NELFA: variants seen among roughly 807,000 people sequenced by gnomAD.
NELFA encodes the protein negative elongation factor A.
A neutral mutation model predicts 51.8 loss-of-function variants in NELFA; 35 were observed. The observed-to-expected ratio is 0.68, with a 90% CI of 0.52 to 0.90. NELFA has a LOEUF of 0.90. Ranked by LOEUF, NELFA falls within the 40% of genes least tolerant of loss-of-function variation. The pLI is 0.00. For synonymous variants in NELFA, 417 were observed against 338.4 expected (o/e 1.23, Z -2.55); for missense variants, 658 against 746.4 (o/e 0.88, Z 1.38).
In NELFA at chr4:1,983,881, A is replaced by G; in HGVS notation, c.1269T>C (p.Ala423=). Residue 423 remains alanine (A), a synonymous_variant, in exon 9 of 11, where the codon GCT becomes GCC. Coordinates refer to ENST00000382882, the MANE Select transcript of NELFA (RefSeq NM_005663.5). ...AMVAPQTQAP[A]QQQPKKNLSL... ...ACAGGTTCTTCTTAGGCTGCTGCTG[A>G]GCAGGGGCCTGGGTCTGCGGGGCCA... The G allele has an allele frequency of 6.3e-7, 1 of 1,590,412 alleles. No homozygotes were observed. Among genetic ancestry groups the G allele is most frequent in the South Asian group, 1.1e-5 (1 of 87,206 alleles).
At chr4:1,996,478 A>T (rs1395264772) in intron 1 of NELFA, among the ~76,000 whole-genome samples, 1 of 152,272 alleles carries the variant, frequency 6.6e-6, no homozygotes, top group Non-Finnish European at 1.5e-5. Flanking sequence ...AAGTAAGTAC[A>T]AAGACAGGAG....
At chr4:2,006,768 CAAAAAAA>C (rs57055347) in intron 1 of NELFA, among the ~76,000 whole-genome samples, 6 of 79,808 alleles carry the variant, frequency 7.5e-5, no homozygotes, top group South Asian at 4.8e-4. Flanking sequence ...GACGCTGTCT[CAAAAAAA>C]AAAAAAAAAA....
chr4:2,004,247 T>C (rs946799104), intron 1 of NELFA: 1 of 152,234 alleles, frequency 6.6e-6, no homozygotes, highest in Non-Finnish European at 1.5e-5. Context: ...TGTATGATTC[T>C]ATTTATATAA....
intron 1 of NELFA, chr4:2,007,919 C>G: frequency 2.2e-6 from 1 of 454,966 alleles, no homozygotes; most frequent in Non-Finnish European, 4.4e-6. Flanking sequence ...TTATTTCGCA[C>G]GGAAAGCGAT....
intron 1 of NELFA, chr4:2,007,871 C>T (rs868833334): frequency 4.8e-6 from 2 of 418,380 alleles, no homozygotes; most frequent in African/African-American, 2.1e-5. Flanking sequence ...AACGTTTAAA[C>T]AACCATGGGG....
At chr4:1,999,830 A>G (rs1167636061) in intron 1 of NELFA, among the ~76,000 whole-genome samples, 2 of 152,240 alleles carry the variant, frequency 1.3e-5, no homozygotes, top group Non-Finnish European at 2.9e-5. Flanking sequence ...TCAACAGAAT[A>G]TACATTCTTC....
chr4:2,007,275 A>G, intron 1 of NELFA: 1 of 237,602 alleles, frequency 4.2e-6, no homozygotes, highest in Non-Finnish European at 9.6e-6. Context: ...GATCCTCACA[A>G]TTCCACTCCT....
At chr4:1,985,292 A>T (rs1043413575) in intron 7 of NELFA, among the ~76,000 whole-genome samples, 4 of 152,124 alleles carry the variant, frequency 2.6e-5, no homozygotes, top group African/African-American at 9.7e-5. Context: ...TCCTGAAGTG[A>T]CCCCACAGTG....
At chr4:1,985,720 G>C (rs1232957944) in intron 7 of NELFA, 56 bp downstream of exon 7, 1 of 1,440,666 alleles carries the variant, frequency 6.9e-7, no homozygotes, top group Non-Finnish European at 9.7e-7. Flanking sequence ...GCCACAATCG[G>C]AACAAAAGGG....
Position 1,983,751 on chromosome 4 carries a change from TCCCCCTGCAGGCACCGTGGCA to T in NELFA, c.1302+76_1303-57del, listed in dbSNP as rs531218509. 4.8e-4 allele frequency: 764 copies of T among 1,600,772 alleles called. 2 individuals are homozygous for T. The African/African-American group carries it at 9.6e-3, about 20-fold the overall frequency. ...GGCCCCGCCAGGACCACCTCCTGCA[TCCCCCTGCAGGCACCGTGGCA>T]CCCCCACGCTAGGGGAGGTGGCCAG... On this transcript the variant is annotated intron_variant, in intron 9 of 10. Coordinates refer to ENST00000382882, the MANE Select transcript of NELFA (RefSeq NM_005663.5).
chr4:1,997,822 A>G (rs939317878), intron 1 of NELFA, among the ~76,000 whole-genome samples: 3 of 152,170 alleles, frequency 2.0e-5, no homozygotes, highest in Non-Finnish European at 4.4e-5. Flanking sequence ...ATGTCACCCA[A>G]CTAGGTGAGA....
intron 1 of NELFA, among the ~76,000 whole-genome samples, chr4:2,006,832 G>C (rs1410236628): frequency 6.7e-6 from 1 of 149,858 alleles, no homozygotes; most frequent in Non-Finnish European, 1.5e-5. Flanking sequence ...AAGGACAACT[G>C]GGAGATATTT....
At chr4:1,985,345 T>C (rs769358374) in intron 7 of NELFA, among the ~76,000 whole-genome samples, 1 of 152,166 alleles carries the variant, frequency 6.6e-6, no homozygotes, top group Non-Finnish European at 1.5e-5. Context: ...CACTGCAGCC[T>C]CTGTGCACCT....
rs530895084 is a variant in NELFA, at chr4:1,987,311, T to C, written c.634+607A>G. On this transcript the variant is annotated intron_variant, in intron 4 of 10. Transcript: ENST00000382882. ...CTGCCCTCTGGCCCCCAGGTCACTA[T>C]CCAGCACCCTCTGGGGTGAGTATGC... is the stretch of plus-strand genomic sequence containing the variant. 2.0e-5 allele frequency among the ~76,000 whole-genome samples: 3 copies of C among 152,292 alleles called. No individual in the cohort carries two copies. The South Asian group carries it at 6.2e-4, about 32-fold the overall frequency.
At chr4:1,997,452 T>G (rs1223522618) in intron 1 of NELFA, among the ~76,000 whole-genome samples, 1 of 152,208 alleles carries the variant, frequency 6.6e-6, no homozygotes, top group African/African-American at 2.4e-5. Context: ...ATGACCAATT[T>G]AGGTTTACCG....
intron 8 of NELFA, 39 bp downstream of exon 8, chr4:1,984,769 G>T (rs1352703213): frequency 1.4e-6 from 2 of 1,461,200 alleles, no homozygotes; most frequent in South Asian, 1.2e-5. Context: ...GTCCTGGCAG[G>T]CAGCTTGGCT....
At chr4:2,004,930 C>A (rs1264161192) in intron 1 of NELFA, among the ~76,000 whole-genome samples, 1 of 151,516 alleles carries the variant, frequency 6.6e-6, no homozygotes, top group African/African-American at 2.4e-5. Flanking sequence ...TTCAGCCTCC[C>A]TAGTAGCTGG....
At chr4:2,004,713 C>G (rs1728663581) in intron 1 of NELFA, among the ~76,000 whole-genome samples, 1 of 149,966 alleles carries the variant, frequency 6.7e-6, no homozygotes, top group African/African-American at 2.5e-5. Flanking sequence ...ATCTCGAATG[C>G]CTGGGTTCAA....
intron 1 of NELFA, 98 bp downstream of exon 1, chr4:2,008,652 G>T: frequency 7.0e-7 from 1 of 1,429,818 alleles, no homozygotes; most frequent in Admixed American, 2.1e-5. Context: ...GGATGGGAAG[G>T]TTGGGGGAGG....
Sources: allele counts gnomAD v4.1 joint callset (sites outside exome capture counted in the v4.1 genomes callset), GRCh38; gene constraint gnomAD v4.1.1; transcripts MANE v1.5; gene names NCBI Gene and HGNC (gene_info 2026-07-23, HGNC 2026-07-21).